The following SUPT3H variants were observed in gnomAD, a reference collection of about 807,000 sequenced individuals.
The protein encoded by SUPT3H is SPT3 homolog, SAGA and STAGA complex component.
Under a neutral mutation model 44.3 loss-of-function variants are expected in SUPT3H, and 44 were observed. The observed-to-expected ratio is 0.99, with a 90% CI of 0.78 to 1.28. The LOEUF (loss-of-function observed/expected upper bound fraction) is 1.28, where lower values mean the gene tolerates loss of function less well. SUPT3H is among the 50% of genes most tolerant of loss of function. The pLI, the probability that SUPT3H is intolerant of heterozygous loss-of-function variation, is 0.00. For synonymous variants in SUPT3H, 124 were observed against 125.6 expected (o/e 0.99, Z 0.09); for missense variants, 380 against 387.1 (o/e 0.98, Z 0.15).
intron 10 of SUPT3H, among the ~76,000 whole-genome samples, chr6:44,887,832 T>A (rs1423307400): frequency 4.6e-5 from 7 of 151,766 alleles, no homozygotes; most frequent in Non-Finnish European, 1.0e-4. Context: ...ATCCAGGAGC[T>A]GGTTTTTTGA....
rs1230617542 is a variant in SUPT3H, at chr6:44,901,147, CCAGCAACAGAACAAAG to C, written c.912+31490_912+31505del. The stretch of plus-strand genomic sequence containing the variant: ...TCCTCCAAAGGAACGCAGCTCCTCA[CCAGCAACAGAACAAAG>C]CTGGATGGAGAATGACTTTGACAAG... On this transcript the variant is annotated intron_variant, in intron 10 of 10. Transcript: ENST00000371459. 3.4e-4 allele frequency among the ~76,000 whole-genome samples: 49 copies of C among 145,480 alleles called. 2 individuals carry two copies. The highest frequency in any genetic ancestry group is 3.1e-3 in the East Asian group (16 of 5,152).
At chr6:45,251,410 C>A (rs1006273029) in intron 2 of SUPT3H, among the ~76,000 whole-genome samples, 14 of 151,620 alleles carry the variant, frequency 9.2e-5, no homozygotes, top group Non-Finnish European at 1.6e-4. Context: ...CACACACACA[C>A]ACACACACAC....
rs1045495723 is a variant in SUPT3H, at chr6:44,828,502, A to G, written c.*1314T>C. Among the ~76,000 whole-genome samples the G allele has an allele frequency of 6.6e-6, 1 of 152,198 alleles. No individual in the cohort carries two copies. Among genetic ancestry groups the G allele is most frequent in the Middle Eastern group, 3.2e-3 (1 of 314 alleles). On this transcript the variant is annotated 3_prime_UTR_variant, in exon 11 of 11. Coordinates refer to ENST00000371459, the MANE Select transcript of SUPT3H (RefSeq NM_003599.4). ...ATGGTTTTCAAATAAAAAGTCTTGA[A>G]TTTAAAATTGAAACAGTGTTTTTGA...
intron 1 of SUPT3H, 130 bp from the exon 2 acceptor site, chr6:45,365,431 A>C: frequency 1.6e-6 from 1 of 616,172 alleles, no homozygotes; most frequent in Non-Finnish European, 2.7e-6. Context: ...TTTTGCACAA[A>C]ACTGATTCAC....
At chr6:45,017,962 T>C (rs1380031592) in intron 4 of SUPT3H, among the ~76,000 whole-genome samples, 1 of 151,224 alleles carries the variant, frequency 6.6e-6, no homozygotes, top group Non-Finnish European at 1.5e-5. Flanking sequence ...ACGATATTGA[T>C]TCTTCCTACC....
At chr6:45,028,069 T>G (rs926238002) in intron 3 of SUPT3H, among the ~76,000 whole-genome samples, 2 of 152,248 alleles carry the variant, frequency 1.3e-5, no homozygotes, top group African/African-American at 2.4e-5. Context: ...TATGTTCTTG[T>G]CCTTTACATT....
intron 3 of SUPT3H, among the ~76,000 whole-genome samples, chr6:45,068,410 A>T (rs1323287817): frequency 6.7e-6 from 1 of 149,652 alleles, no homozygotes; most frequent in East Asian, 2.0e-4. Context: ...ACATGTATAC[A>T]TATGTAACTA....
chr6:45,042,547 AT>A (rs1424763101), intron 3 of SUPT3H, among the ~76,000 whole-genome samples: 6 of 152,174 alleles, frequency 3.9e-5, no homozygotes, highest in African/African-American at 1.4e-4. Context: ...ATAAGGGAAA[AT>A]TAGTTGTTGT....
At chr6:45,242,430 A>G (rs759504951) in intron 2 of SUPT3H, among the ~76,000 whole-genome samples, 1 of 152,204 alleles carries the variant, frequency 6.6e-6, no homozygotes, top group Non-Finnish European at 1.5e-5. Flanking sequence ...GAAAATGCAT[A>G]AAGACAAAAT....
At chr6:45,098,487 T>G (rs1042264926) in intron 3 of SUPT3H, 5 of 242,106 alleles carry the variant, frequency 2.1e-5, no homozygotes, top group Admixed American at 1.2e-4. Context: ...GACCACACCC[T>G]CCTACCAAAG....
intron 3 of SUPT3H, among the ~76,000 whole-genome samples, chr6:45,062,443 T>C (rs928950341): frequency 2.0e-5 from 3 of 152,040 alleles, no homozygotes; most frequent in Non-Finnish European, 4.4e-5. Context: ...AAGAGTACAC[T>C]GTAGGGGTGA....
chr6:45,123,404 C>T (rs545967010), intron 2 of SUPT3H, among the ~76,000 whole-genome samples: 5 of 147,882 alleles, frequency 3.4e-5, no homozygotes, highest in Admixed American at 1.3e-4. Context: ...GATAGGGTCT[C>T]GCTTTGTCAC....
At chr6:44,823,160 A>G (rs193261562), downstream of SUPT3H, among the ~76,000 whole-genome samples, 3 of 152,054 alleles carry the variant, frequency 2.0e-5, no homozygotes, top group Admixed American at 1.3e-4. Context: ...GTTTATGAGT[A>G]TCTGTGTATA....
At chr6:45,343,273 G>T (rs1581736453) in intron 2 of SUPT3H, among the ~76,000 whole-genome samples, 1 of 152,132 alleles carries the variant, frequency 6.6e-6, no homozygotes, top group East Asian at 1.9e-4. Context: ...ACTTTGGGAG[G>T]CCGAGGCGGG....
At chr6:44,979,277 A>G (rs1335026513) in intron 6 of SUPT3H, among the ~76,000 whole-genome samples, 2 of 152,112 alleles carry the variant, frequency 1.3e-5, no homozygotes, top group East Asian at 1.9e-4. Context: ...AAATCCTCCC[A>G]TTTTCTTTCA....
At chr6:45,262,702 G>A (rs930364818) in intron 2 of SUPT3H, among the ~76,000 whole-genome samples, 8 of 152,058 alleles carry the variant, frequency 5.3e-5, no homozygotes, top group South Asian at 2.1e-4. Flanking sequence ...TATCTGTAGA[G>A]CAAACAATGT....
At chr6:45,169,730 C>T (rs555948160) in intron 2 of SUPT3H, among the ~76,000 whole-genome samples, 3 of 151,732 alleles carry the variant, frequency 2.0e-5, no homozygotes, top group African/African-American at 7.3e-5. Context: ...AATCTAAGAG[C>T]TTTTTTCTGT....
At chr6:45,046,062 C>T (rs180901222) in intron 3 of SUPT3H, among the ~76,000 whole-genome samples, 14 of 152,278 alleles carry the variant, frequency 9.2e-5, no homozygotes, top group Admixed American at 6.5e-4. Context: ...TTTTCTCCTA[C>T]ACATTTTTCT....
At chr6:45,256,113 G>A (rs1773346287) in intron 2 of SUPT3H, among the ~76,000 whole-genome samples, 1 of 152,182 alleles carries the variant, frequency 6.6e-6, no homozygotes, top group Admixed American at 6.5e-5. Flanking sequence ...GGGGCTTCCA[G>A]TGAGCCGAGT....
Sources: allele counts gnomAD v4.1 joint callset (sites outside exome capture counted in the v4.1 genomes callset), GRCh38; gene constraint gnomAD v4.1.1; transcripts MANE v1.5; gene names NCBI Gene and HGNC (gene_info 2026-07-23, HGNC 2026-07-21).